The following CBFA2T3 variants were observed in gnomAD, a reference collection of about 807,000 sequenced individuals.
The protein encoded by CBFA2T3 is CBFA2/RUNX1 partner transcriptional co-repressor 3, also known as transcriptional corepressor CBFA2T3.
Under a neutral mutation model 58.6 loss-of-function variants are expected in CBFA2T3, and 31 were observed. That is an observed-to-expected ratio of 0.53 (90% CI 0.40 to 0.71). The LOEUF is 0.71. Among genes scored for constraint, CBFA2T3 ranks in the 30% least tolerant of loss-of-function variants. The pLI, the probability that CBFA2T3 is intolerant of heterozygous loss-of-function variation, is 0.00. For synonymous variants in CBFA2T3, 531 were observed against 421.9 expected (o/e 1.26, Z -3.17); for missense variants, 1,076 against 963.1 (o/e 1.12, Z -1.55).
rs576330811 is a variant in CBFA2T3, at chr16:88,896,286, G to A, written c.379+1792C>T. Among the ~76,000 whole-genome samples the A allele has an allele frequency of 1.8e-3, 272 of 152,286 alleles. 1 individual carries two copies. Among genetic ancestry groups the A allele is most frequent in the Middle Eastern group, 6.8e-3 (2 of 294 alleles). ...GCCGCGAACCTCCACACGCTGTTCT[G>A]AGCGGCTGCTCCCCTCAACCGGGCA... is the stretch of plus-strand genomic sequence containing the variant. On this transcript the variant is annotated intron_variant, in intron 3 of 11. Transcript: ENST00000268679.
intron 1 of CBFA2T3, chr16:88,951,293 C>T: frequency 2.2e-6 from 1 of 456,650 alleles, no homozygotes; most frequent in Non-Finnish European, 4.4e-6. Flanking sequence ...GGACTGGCAC[C>T]AGCACAGAGG....
chr16:88,959,711 G>A (rs1972314113), intron 1 of CBFA2T3, among the ~76,000 whole-genome samples: 1 of 152,114 alleles, frequency 6.6e-6, no homozygotes, highest in Non-Finnish European at 1.5e-5. Flanking sequence ...GGGCAGAGAC[G>A]GTATCTGGGA....
Position 88,886,071 on chromosome 16 carries a change from G to A in CBFA2T3, c.783C>T (p.Tyr261=), listed in dbSNP as rs1440134852. The A allele has an allele frequency of 6.9e-6, 11 of 1,591,350 alleles. No individual in the cohort carries two copies. The highest frequency in any genetic ancestry group is 9.4e-6 in the Non-Finnish European group (11 of 1,174,650). The change falls in exon 6 of 12, where the codon TAC becomes TAT. Residue 261 remains tyrosine (Y), a synonymous_variant. Transcript: ENST00000268679. Reference sequence around the variant, plus strand: ...GCAGGAGCTGCTCATGCTGGGCCAAGTACTGGGCGGGCGTCTGCTTGGCCA... The same window carrying A: ...GCAGGAGCTGCTCATGCTGGGCCAAATACTGGGCGGGCGTCTGCTTGGCCA... ...ARLAKQTPAQ[Y]LAQHEQLLLD... is the part of the protein sequence containing the mutation.
chr16:88,889,254 C>T (rs1397219322), intron 5 of CBFA2T3, among the ~76,000 whole-genome samples: 3 of 149,268 alleles, frequency 2.0e-5, no homozygotes, highest in African/African-American at 5.0e-5. Context: ...GGAGCATGAG[C>T]ACAGCAGGGC....
At position 88,901,492 on chromosome 16, in the gene CBFA2T3, G is replaced by A; in HGVS notation, c.304+12C>T. ...ACACCTGGCCCTCGGCTGCCAGGTG[G>A]GGGCTACTTACGTGTGTGTGGCGTG... On this transcript the variant is annotated intron_variant, in intron 2 of 11. Coordinates refer to ENST00000268679, the MANE Select transcript of CBFA2T3 (RefSeq NM_005187.6). 7.0e-7 allele frequency: 1 copy of A among 1,433,904 alleles called. No individual in the cohort carries two copies. 88.8% of individuals were successfully genotyped at this position (1,433,904 alleles called of 1,614,324 possible). A position where few individuals can be genotyped will look rare whatever the true frequency, so the allele number is the denominator to read the frequency against.
intron 1 of CBFA2T3, among the ~76,000 whole-genome samples, chr16:88,915,422 ACGGGGGCAGCGT>A: frequency 6.0e-5 from 1 of 16,658 alleles, no homozygotes; most frequent in Non-Finnish European, 1.1e-4. Context: ...GGGAGCGTGG[ACGGGGGCAGCGT>A]GGAGGAGTGG....
intron 1 of CBFA2T3, among the ~76,000 whole-genome samples, chr16:88,916,188 G>A (rs961724536): frequency 4.0e-5 from 6 of 150,646 alleles, no homozygotes; most frequent in African/African-American, 1.5e-4. Flanking sequence ...GTGTGCGCAT[G>A]GGTGTGTGTC....
intron 3 of CBFA2T3, among the ~76,000 whole-genome samples, chr16:88,896,260 G>C (rs963687218): frequency 6.6e-6 from 1 of 152,142 alleles, no homozygotes; most frequent in African/African-American, 2.4e-5. Context: ...CTGTTGCTGG[G>C]GCCGCGAACC....
chr16:88,888,363 G>A (rs1046143953), intron 5 of CBFA2T3, among the ~76,000 whole-genome samples: 5 of 144,340 alleles, frequency 3.5e-5, no homozygotes, highest in African/African-American at 1.0e-4. Flanking sequence ...GGCCCAAGGG[G>A]ACTGGCTGGG....
chr16:88,881,138 C>A, intron 9 of CBFA2T3, 153 bp downstream of exon 9: 1 of 781,682 alleles, frequency 1.3e-6, no homozygotes, highest in Non-Finnish European at 2.2e-6. Flanking sequence ...GGCAGACCAG[C>A]CCGTGTTTTC....
At chr16:88,959,824 G>C (rs141747141) in intron 1 of CBFA2T3, among the ~76,000 whole-genome samples, 2,677 of 152,174 alleles carry the variant, frequency 0.018, 85 homozygotes, top group African/African-American at 0.062. Flanking sequence ...TCAGGAGTTC[G>C]AGACCAGCCT....
At chr16:88,928,882 C>T (rs1316981677) in intron 1 of CBFA2T3, among the ~76,000 whole-genome samples, 1 of 152,208 alleles carries the variant, frequency 6.6e-6, no homozygotes, top group Non-Finnish European at 1.5e-5. Context: ...TCGGGGGGAG[C>T]ATTCCAGGCA....
Position 88,885,488 on chromosome 16 carries a change from C to G in CBFA2T3, c.894-219G>C, listed in dbSNP as rs920220561. On this transcript the variant is annotated intron_variant, in intron 6 of 11. Coordinates refer to ENST00000268679, the MANE Select transcript of CBFA2T3 (RefSeq NM_005187.6). This position sits in a 1 kb window ranked among gnomAD's most constrained non-coding sequence, Gnocchi z 5.3. Reference sequence around the variant, plus strand: ...GCCCATGCCAGCCTCAACCCCTGCTCCAGCTGCATGGCATCCTGGGGCCTG... The same window carrying G: ...GCCCATGCCAGCCTCAACCCCTGCTGCAGCTGCATGGCATCCTGGGGCCTG... 6.6e-6 allele frequency among the ~76,000 whole-genome samples: 1 copy of G among 152,138 alleles called. No homozygotes were observed. The highest frequency in any genetic ancestry group is 2.4e-5 in the African/African-American group (1 of 41,428).
chr16:88,974,964 A>G (rs553178975), intron 1 of CBFA2T3, among the ~76,000 whole-genome samples: 4 of 152,272 alleles, frequency 2.6e-5, no homozygotes, highest in African/African-American at 7.2e-5. Context: ...ACCCTGGAAT[A>G]GGGCCGGGTG....
chr16:88,881,453 G>A lies in CBFA2T3; in HGVS notation c.1240C>T (p.Arg414Trp), dbSNP rs781390631. The A allele has an allele frequency of 1.4e-5, 22 of 1,609,584 alleles. No homozygotes were observed. The highest frequency in any genetic ancestry group is 6.6e-5 in the South Asian group (6 of 90,978). ...CTGCGCAGCACCGTGAGCGAGCGCC[G>A]CGTCTTCTCCACCATGTCCATGATG... Reference protein sequence around the residue: ...NCIMDMVEKTRRSLTVLRRCQ... With the variant: ...NCIMDMVEKTWRSLTVLRRCQ... The change falls in exon 9 of 12, where the codon CGG becomes TGG. Residue 414 changes from arginine (R) to tryptophan (W), a missense_variant. Transcript: ENST00000268679.
chr16:88,901,221 G>A (rs911457134), intron 2 of CBFA2T3, among the ~76,000 whole-genome samples: 6 of 152,240 alleles, frequency 3.9e-5, no homozygotes, highest in African/African-American at 1.2e-4. Flanking sequence ...AAAGGCCTGT[G>A]TGGACTCACC....
At chr16:88,956,374 G>T (rs932858253) in intron 1 of CBFA2T3, among the ~76,000 whole-genome samples, 1 of 152,272 alleles carries the variant, frequency 6.6e-6, no homozygotes, top group Non-Finnish European at 1.5e-5. Flanking sequence ...CAGCGTGTCC[G>T]CCTGCTCTTC....
chr16:88,889,071 G>A (rs985227462), intron 5 of CBFA2T3, among the ~76,000 whole-genome samples: 2 of 151,896 alleles, frequency 1.3e-5, no homozygotes, highest in Non-Finnish European at 2.9e-5. Flanking sequence ...GGTGGCTGAG[G>A]CTGGGGGCAT....
At chr16:88,968,658 C>A (rs2142880306) in intron 1 of CBFA2T3, among the ~76,000 whole-genome samples, 1 of 152,374 alleles carries the variant, frequency 6.6e-6, no homozygotes, top group Middle Eastern at 3.4e-3. Context: ...CCCCGCCTGT[C>A]AGTCCGTCTG....
Sources: allele counts gnomAD v4.1 joint callset (sites outside exome capture counted in the v4.1 genomes callset), GRCh38; gene constraint gnomAD v4.1.1; non-coding constraint Gnocchi (gnomAD v3.1); transcripts MANE v1.5; gene names NCBI Gene and HGNC (gene_info 2026-07-23, HGNC 2026-07-21).